AK5: variants seen among roughly 807,000 people sequenced by gnomAD.
AK5 encodes the protein adenylate kinase 5, also known as adenylate kinase isoenzyme 5.
A neutral mutation model predicts 69.5 loss-of-function variants in AK5; 27 were observed. The observed-to-expected ratio is 0.39, with a 90% CI of 0.29 to 0.54. The LOEUF is 0.54. AK5 is among the 20% of genes least tolerant of loss of function. AK5 has a pLI of 0.71. For synonymous variants in AK5, 260 were observed against 244.4 expected, an observed-to-expected ratio of 1.06 and a Z score of -0.60; for missense variants, 531 against 700.4, an observed-to-expected ratio of 0.76 and a Z score of 2.73.
intron 5 of AK5, among the ~76,000 whole-genome samples, chr1:77,311,969 G>A (rs1243226208): frequency 1.3e-5 from 2 of 152,108 alleles, no homozygotes; most frequent in African/African-American, 4.8e-5. Context: ...CCACTAATGA[G>A]CACAACCCAT....
intron 3 of AK5, among the ~76,000 whole-genome samples, chr1:77,297,013 T>C (rs147866878): frequency 6.6e-6 from 1 of 152,250 alleles, no homozygotes; most frequent in East Asian, 1.9e-4. Context: ...ATGTTTACAT[T>C]GCATAAAACT....
rs74933054 is a variant in AK5, at chr1:77,392,899, T to C, written c.892-18082T>C. ...TTTTGCCCTTCCAACCAGGACATAG[T>C]AGTGGGATTTCCTTTAAAATATTTT... On this transcript the variant is annotated intron_variant, in intron 6 of 13. Coordinates refer to ENST00000354567, the MANE Select transcript of AK5 (RefSeq NM_174858.3). Among the ~76,000 whole-genome samples, 469 of 152,182 alleles carry C rather than the reference T, an allele frequency of 3.1e-3. 6 individuals are homozygous for C. The highest frequency in any genetic ancestry group is 0.011 in the African/African-American group (454 of 41,538).
chr1:77,305,629 T>C (rs1403866278), intron 5 of AK5, among the ~76,000 whole-genome samples: 2 of 152,202 alleles, frequency 1.3e-5, no homozygotes, highest in African/African-American at 4.8e-5. Flanking sequence ...TCTTGATACC[T>C]TTGTTGAAAA....
intron 6 of AK5, among the ~76,000 whole-genome samples, chr1:77,379,683 A>T (rs1334337761): frequency 2.0e-5 from 3 of 152,240 alleles, no homozygotes; most frequent in Non-Finnish European, 4.4e-5. Flanking sequence ...TAAAGAATAC[A>T]CAAGTTTTCC....
At chr1:77,530,146 G>T (rs1384730913) in intron 12 of AK5, among the ~76,000 whole-genome samples, 1 of 152,234 alleles carries the variant, frequency 6.6e-6, no homozygotes, top group Non-Finnish European at 1.5e-5. Context: ...GGAATGTCCA[G>T]TTGGTGTGTT....
chr1:77,395,471 G>C (rs146503886), intron 6 of AK5, among the ~76,000 whole-genome samples: 3 of 152,310 alleles, frequency 2.0e-5, no homozygotes, highest in African/African-American at 4.8e-5. Flanking sequence ...TTATGCCTTA[G>C]GTAAGCTTAT....
intron 8 of AK5, among the ~76,000 whole-genome samples, chr1:77,427,367 A>G (rs1298611589): frequency 6.6e-6 from 1 of 152,134 alleles, no homozygotes; most frequent in East Asian, 1.9e-4. Context: ...AATATTATTA[A>G]CAATGCTATG....
At chr1:77,487,009 C>T (rs988635074) in intron 10 of AK5, among the ~76,000 whole-genome samples, 8 of 152,150 alleles carry the variant, frequency 5.3e-5, no homozygotes, top group African/African-American at 1.9e-4. Context: ...GCATCAATTG[C>T]CTCATGTTCA....
chr1:77,533,466 A>T (rs1276215097), intron 12 of AK5, among the ~76,000 whole-genome samples: 1 of 141,954 alleles, frequency 7.0e-6, no homozygotes, highest in African/African-American at 2.6e-5. Flanking sequence ...CAGTGATCAC[A>T]TCACTGCACT....
intron 10 of AK5, among the ~76,000 whole-genome samples, 157 bp from the exon 11 acceptor site, chr1:77,518,407 A>T (rs1011866903): frequency 2.6e-5 from 4 of 152,340 alleles, no homozygotes; most frequent in Admixed American, 1.3e-4. Flanking sequence ...CTCCACTTGC[A>T]TCCACCACTC....
chr1:77,545,995 T>C, intron 13 of AK5, among the ~76,000 whole-genome samples: 1 of 152,190 alleles, frequency 6.6e-6, no homozygotes, highest in East Asian at 1.9e-4. Flanking sequence ...ATGACTCTGC[T>C]TAAAATAGTC....
chr1:77,484,671 T>C (rs553577535), intron 9 of AK5, among the ~76,000 whole-genome samples: 31 of 152,348 alleles, frequency 2.0e-4, no homozygotes, highest in Middle Eastern at 3.4e-3. Flanking sequence ...TAACACATAC[T>C]ATAGAAATTT....
intron 6 of AK5, among the ~76,000 whole-genome samples, chr1:77,385,871 A>G (rs1395247156): frequency 6.6e-6 from 1 of 152,226 alleles, no homozygotes; most frequent in African/African-American, 2.4e-5. Flanking sequence ...TATAAGAGAT[A>G]AATCCTAAAA....
At chr1:77,367,877 AATATAAAATATATGTGATATATATTAT>A (rs71075735) in intron 6 of AK5, among the ~76,000 whole-genome samples, 1,286 of 13,974 alleles carry the variant, frequency 0.092, 137 homozygotes, top group East Asian at 0.11. Flanking sequence ...TGTGATATAT[AATATAAAATATATGTGATATATATTAT>A]ATATAAAATA....
intron 8 of AK5, among the ~76,000 whole-genome samples, chr1:77,479,909 A>T (rs1655156193): frequency 6.6e-6 from 1 of 152,212 alleles, no homozygotes; most frequent in African/African-American, 2.4e-5. Context: ...CTCATTGAAG[A>T]GGAAGCTCCA....
At chr1:77,302,427 A>C (rs1004753665) in intron 5 of AK5, among the ~76,000 whole-genome samples, 1 of 152,040 alleles carries the variant, frequency 6.6e-6, no homozygotes, top group Admixed American at 6.6e-5. Flanking sequence ...TCATTTTTAT[A>C]GATTGAGGGT....
chr1:77,531,899 C>G (rs1255660661), intron 12 of AK5, among the ~76,000 whole-genome samples: 2 of 151,954 alleles, frequency 1.3e-5, no homozygotes, highest in Non-Finnish European at 2.9e-5. Context: ...GTCCCGAGCC[C>G]TGCCCCGCGG....
intron 13 of AK5, among the ~76,000 whole-genome samples, chr1:77,557,919 C>G (rs575917483): frequency 6.7e-6 from 1 of 149,714 alleles, no homozygotes; most frequent in Non-Finnish European, 1.5e-5. Context: ...CTCTGTTCAT[C>G]GATCATTGAT....
rs78668483 is a variant in AK5 at position 77,322,193 on chromosome 1, T to C, written c.700-18184T>C. 3.6e-3 allele frequency among the ~76,000 whole-genome samples: 549 copies of C among 152,338 alleles called. 3 individuals are homozygous for C. Among genetic ancestry groups the C allele is most frequent in the Non-Finnish European group, 5.7e-3 (388 of 68,038 alleles). On this transcript the variant is annotated intron_variant, in intron 5 of 13. Coordinates refer to ENST00000354567, the MANE Select transcript of AK5 (RefSeq NM_174858.3). ...TATGCTTGTGTTTGCATCAGAAGAA[T>C]GAATAGTGACTAATTTACTAATGTG...
Sources: gnomAD v4.1 joint callset for allele counts (sites outside exome capture counted in the v4.1 genomes callset) on GRCh38, gnomAD v4.1.1 for gene constraint, MANE v1.5 for transcripts, NCBI Gene and HGNC (gene_info 2026-07-23, HGNC 2026-07-21) for gene names.